The following PALLD variants were observed in gnomAD, a reference collection of about 807,000 sequenced individuals.
PALLD encodes the protein palladin.
A neutral mutation model predicts 123.5 loss-of-function variants in PALLD; 61 were observed. That is an observed-to-expected ratio of 0.49 (90% confidence interval 0.40 to 0.61). PALLD has a LOEUF of 0.61. PALLD is among the 20% of genes least tolerant of loss of function. The pLI, the probability that PALLD is intolerant of heterozygous loss-of-function variation, is 0.00. For missense variants in PALLD, 1,273 were observed against 1,377.0 expected, an observed-to-expected ratio of 0.92 and a Z score of 1.20; for synonymous variants, 465 against 496.4, an observed-to-expected ratio of 0.94 and a Z score of 0.84.
chr4:168,589,906 C>T (rs1219673389), intron 2 of PALLD, among the ~76,000 whole-genome samples: 1 of 152,198 alleles, frequency 6.6e-6, no homozygotes, highest in Non-Finnish European at 1.5e-5. Context: ...GCCCCATGTC[C>T]ACCTAAGTGT....
chr4:168,816,409 A>ATT (rs1408452372), intron 10 of PALLD, among the ~76,000 whole-genome samples: 39 of 116,394 alleles, frequency 3.4e-4, no homozygotes, highest in African/African-American at 1.3e-3. Flanking sequence ...ATATATATAT[A>ATT]TATATTTTTT....
chr4:168,525,979 T>C (rs969886356), intron 2 of PALLD, among the ~76,000 whole-genome samples: 2 of 152,236 alleles, frequency 1.3e-5, no homozygotes, highest in African/African-American at 2.4e-5. Flanking sequence ...AATTTTATAC[T>C]GATCTAGTCC....
intron 10 of PALLD, among the ~76,000 whole-genome samples, chr4:168,739,540 A>G (rs7676725): frequency 0.53 from 80,190 of 151,982 alleles, 21,323 homozygotes; most frequent in East Asian, 0.63. Context: ...GTTGTTGTAT[A>G]TTTCAGAATA....
intron 8 of PALLD, among the ~76,000 whole-genome samples, chr4:168,705,433 A>C (rs1310527439): frequency 6.6e-6 from 1 of 152,110 alleles, no homozygotes; most frequent in Non-Finnish European, 1.5e-5. Flanking sequence ...ATCTCAAAAA[A>C]TTTTCTCGAC....
At chr4:168,531,816 T>C (rs151128009) in intron 2 of PALLD, among the ~76,000 whole-genome samples, 270 of 152,334 alleles carry the variant, frequency 1.8e-3, no homozygotes, top group Middle Eastern at 3.4e-3. Context: ...ACTCTATCCC[T>C]GAAGTAAATC....
chr4:168,630,597 C>T (rs770983928), intron 2 of PALLD, among the ~76,000 whole-genome samples: 8 of 152,118 alleles, frequency 5.3e-5, no homozygotes, highest in African/African-American at 7.2e-5. Flanking sequence ...ATTCTATTTC[C>T]GGAACGCATT....
chr4:168,536,751 G>C (rs747309564), intron 2 of PALLD, among the ~76,000 whole-genome samples: 2 of 152,120 alleles, frequency 1.3e-5, no homozygotes, highest in Non-Finnish European at 2.9e-5. Context: ...TTGACACTTG[G>C]GGATTATGGG....
intron 2 of PALLD, among the ~76,000 whole-genome samples, chr4:168,642,233 C>G (rs962608996): frequency 6.6e-6 from 1 of 152,048 alleles, no homozygotes; most frequent in Non-Finnish European, 1.5e-5. Context: ...CAAGTAGATT[C>G]CTGATGAAAA....
chr4:168,690,574 G>C, intron 6 of PALLD, 29 bp from the exon 7 acceptor site: 1 of 1,613,976 alleles, frequency 6.2e-7, no homozygotes, highest in Admixed American at 1.7e-5. Context: ...AGTCTGATGG[G>C]GTTTTCCTTG....
In PALLD at chr4:168,832,111, A is replaced by G. The variant is rs552182499; in HGVS notation, c.1965-58811A>G. 115 of 985,390 alleles carry G rather than the reference A, an allele frequency of 1.2e-4. No homozygotes were observed. In the African/African-American group the frequency reaches 1.8e-3, roughly 16 times the overall value. 61.0% of individuals were successfully genotyped at this position (985,390 alleles called of 1,614,324 possible). On this transcript the variant is annotated intron_variant, in intron 10 of 21. Coordinates refer to ENST00000505667, the MANE Select transcript of PALLD (RefSeq NM_001166108.2). Reference sequence around the variant, plus strand: ...GCGCCCGGTCCGCGGAGCCCGCTGCAGCTCCCGCTCGCTCCGGACGCGGAA... The same window carrying G: ...GCGCCCGGTCCGCGGAGCCCGCTGCGGCTCCCGCTCGCTCCGGACGCGGAA...
intron 15 of PALLD, among the ~76,000 whole-genome samples, chr4:168,909,872 T>TC (rs950656101): frequency 1.3e-5 from 2 of 152,112 alleles, no homozygotes; most frequent in Admixed American, 6.6e-5. Context: ...GGGGGTTTTT[T>TC]CCCCCAAACA....
chr4:168,774,469 T>A (rs1734888282), intron 10 of PALLD, among the ~76,000 whole-genome samples: 1 of 152,174 alleles, frequency 6.6e-6, no homozygotes, highest in African/African-American at 2.4e-5. Context: ...GGCTCATGCG[T>A]GTAATCCCAG....
chr4:168,829,497 T>A (rs568004227), intron 10 of PALLD, among the ~76,000 whole-genome samples: 1 of 152,158 alleles, frequency 6.6e-6, no homozygotes, highest in African/African-American at 2.4e-5. Context: ...GACTCCTAAA[T>A]CATAAAATCA....
At chr4:168,656,384 T>G (rs10010321) in intron 2 of PALLD, among the ~76,000 whole-genome samples, 38,209 of 151,848 alleles carry the variant, frequency 0.25, 5,479 homozygotes, top group Middle Eastern at 0.33. Flanking sequence ...GATGAATCTA[T>G]TTTTTTAGCT....
chr4:168,571,579 G>A (rs903147134), intron 2 of PALLD, among the ~76,000 whole-genome samples: 3 of 152,124 alleles, frequency 2.0e-5, no homozygotes, highest in African/African-American at 7.2e-5. Context: ...CCCAAAATGT[G>A]TTACTTTTCA....
intron 2 of PALLD, among the ~76,000 whole-genome samples, chr4:168,517,614 C>T (rs974972743): frequency 6.6e-6 from 1 of 152,092 alleles, no homozygotes; most frequent in South Asian, 2.1e-4. Flanking sequence ...GGAAGAAAAA[C>T]AAGCCATGAA....
chr4:168,582,367 A>C (rs867437724), intron 2 of PALLD, among the ~76,000 whole-genome samples: 1 of 151,940 alleles, frequency 6.6e-6, no homozygotes, highest in Non-Finnish European at 1.5e-5. Flanking sequence ...TTTTTTGTGG[A>C]GTCGTTAGGG....
chr4:168,636,015 A>G (rs1248370721), intron 2 of PALLD, among the ~76,000 whole-genome samples: 2 of 152,226 alleles, frequency 1.3e-5, no homozygotes, highest in African/African-American at 4.8e-5. Context: ...GCACTGTATT[A>G]CATTTGATCA....
At chr4:168,574,315 TAAGA>T (rs1057024299) in intron 2 of PALLD, among the ~76,000 whole-genome samples, 2 of 152,116 alleles carry the variant, frequency 1.3e-5, no homozygotes, top group African/African-American at 4.8e-5. Context: ...AACAAAAAAT[TAAGA>T]AAGAAAGAAA....
Sources: gnomAD v4.1 joint callset for allele counts (sites outside exome capture counted in the v4.1 genomes callset) on GRCh38, gnomAD v4.1.1 for gene constraint, MANE v1.5 for transcripts, NCBI Gene and HGNC (gene_info 2026-07-23, HGNC 2026-07-21) for gene names.